TMEM178A: variants seen among roughly 807,000 people sequenced by gnomAD.
TMEM178A encodes transmembrane protein 178.
In TMEM178A, 12 loss-of-function variants were observed where a neutral mutation model predicts 29.1. That is an observed-to-expected ratio of 0.41 (90% CI 0.26 to 0.67). TMEM178A has a LOEUF of 0.67. Among genes scored for constraint, TMEM178A ranks in the 30% least tolerant of loss-of-function variants. TMEM178A has a pLI of 0.29. For synonymous variants in TMEM178A, 210 were observed against 187.2 expected, an observed-to-expected ratio of 1.12 and a Z score of -0.99; for missense variants, 366 against 419.1, an observed-to-expected ratio of 0.87 and a Z score of 1.11.
At chr2:39,688,483 G>T (rs902246352) in intron 1 of TMEM178A, among the ~76,000 whole-genome samples, 1 of 152,230 alleles carries the variant, frequency 6.6e-6, no homozygotes, top group Non-Finnish European at 1.5e-5. Context: ...CTACCATGAG[G>T]CTCTTGCCAC....
chr2:39,678,355 T>TAAGAAAATGTGGTATGTCC (rs1462120252), intron 1 of TMEM178A, among the ~76,000 whole-genome samples: 1 of 152,076 alleles, frequency 6.6e-6, no homozygotes, highest in African/African-American at 2.4e-5. Context: ...GATGAATAGA[T>TAAGAAAATGTGGTATGTCC]AAGAAAATGT....
chr2:39,715,869 C>T lies in TMEM178A; in HGVS notation c.653-1141C>T, dbSNP rs569601362. On this transcript the variant is annotated intron_variant, in intron 3 of 3. Transcript: ENST00000281961. The stretch of plus-strand genomic sequence containing the variant: ...CTGCTAGCATTTCTAATCTCCAAAG[C>T]TATAGGTTAAAAAAGGGTGGTGGGT... Among the ~76,000 whole-genome samples, 41 of 152,216 alleles carry T rather than the reference C, an allele frequency of 2.7e-4. No individual in the cohort carries two copies. The South Asian group carries it at 8.3e-3, about 31-fold the overall frequency.
chr2:39,720,040 A>T (rs757087437), downstream of TMEM178A, among the ~76,000 whole-genome samples: 1 of 152,186 alleles, frequency 6.6e-6, no homozygotes, highest in Non-Finnish European at 1.5e-5. Context: ...ATAGTGAAAA[A>T]AATTAAGCTT....
intron 3 of TMEM178A, among the ~76,000 whole-genome samples, chr2:39,707,759 C>G (rs887230351): frequency 2.0e-5 from 3 of 152,228 alleles, no homozygotes; most frequent in Non-Finnish European, 2.9e-5. Context: ...AGCCACCACA[C>G]CCCACCTTCT....
intron 1 of TMEM178A, among the ~76,000 whole-genome samples, chr2:39,673,256 C>G (rs1670478904): frequency 6.6e-6 from 1 of 152,138 alleles, no homozygotes; most frequent in African/African-American, 2.4e-5. Flanking sequence ...CATGCTGCAC[C>G]CCATCTTTCT....
At chr2:39,678,726 T>C (rs77187239) in intron 1 of TMEM178A, among the ~76,000 whole-genome samples, 1 of 152,176 alleles carries the variant, frequency 6.6e-6, no homozygotes, top group Non-Finnish European at 1.5e-5. Flanking sequence ...AATTTCCCAC[T>C]GCCTACAGCT....
upstream of TMEM178A, chr2:39,665,572 G>A (rs548041647): frequency 2.6e-4 from 48 of 186,538 alleles, 1 homozygote; most frequent in Middle Eastern, 4.0e-3. Context: ...AGAGGAGGAT[G>A]AGGGCGGCGA....
At chr2:39,721,300 A>G (rs186973272), downstream of TMEM178A, among the ~76,000 whole-genome samples, 2 of 152,370 alleles carry the variant, frequency 1.3e-5, no homozygotes, top group Admixed American at 1.3e-4. Context: ...TTTGCCAGGC[A>G]TCAAAGCAAG....
At chr2:39,670,973 A>G (rs1670386931) in intron 1 of TMEM178A, among the ~76,000 whole-genome samples, 1 of 152,206 alleles carries the variant, frequency 6.6e-6, no homozygotes, top group Non-Finnish European at 1.5e-5. Context: ...TTTTGTTTTT[A>G]TAAAATTAAA....
intron 2 of TMEM178A, among the ~76,000 whole-genome samples, chr2:39,706,137 G>A (rs1041018032): frequency 3.9e-5 from 6 of 152,218 alleles, no homozygotes; most frequent in African/African-American, 1.4e-4. Flanking sequence ...TTGTGTCCAG[G>A]TACACGTAGT....
At chr2:39,730,028 T>A in the TMEM178A span, among the ~76,000 whole-genome samples, 95 of 152,296 alleles carry the variant, frequency 6.2e-4, 1 homozygote, top group African/African-American at 2.2e-3. Flanking sequence ...GGTAAGAACC[T>A]AGGTTAACAC....
the TMEM178A span, among the ~76,000 whole-genome samples, chr2:39,725,824 C>T: frequency 6.6e-6 from 1 of 152,168 alleles, no homozygotes; most frequent in Non-Finnish European, 1.5e-5. Context: ...ACTTTAGGAG[C>T]AGGTCCACCG....
the TMEM178A span, among the ~76,000 whole-genome samples, chr2:39,735,103 T>G: frequency 2.6e-4 from 40 of 152,312 alleles, no homozygotes; most frequent in African/African-American, 9.1e-4. Context: ...TTCAAAACTC[T>G]TTCAGTGGTT....
In TMEM178A at chr2:39,671,921, A is replaced by G. The variant is rs578186638; in HGVS notation, c.400+5547A>G. Among the ~76,000 whole-genome samples the G allele has an allele frequency of 5.9e-5, 9 of 152,290 alleles. No homozygotes were observed. The South Asian group carries it at 1.9e-3, about 32-fold the overall frequency. On this transcript the variant is annotated intron_variant, in intron 1 of 3. Coordinates refer to ENST00000281961, the MANE Select transcript of TMEM178A (RefSeq NM_152390.3). The stretch of plus-strand genomic sequence containing the variant: ...GTGCGCTCTTATATCACACACATTT[A>G]TCTTGCACAGGGGAGAGAAGAAGAT...
At position 39,690,688 on chromosome 2, in the gene TMEM178A, C is replaced by G. The variant is rs150754591; in HGVS notation, c.401-13393C>G. Reference sequence around the variant, plus strand: ...CAAGCCTTCAAGGAAAATGAAGAATCAAGGAAACTTAACACTACTAAAAGA... The same window carrying G: ...CAAGCCTTCAAGGAAAATGAAGAATGAAGGAAACTTAACACTACTAAAAGA... On this transcript the variant is annotated intron_variant, in intron 1 of 3. Transcript: ENST00000281961. Among the ~76,000 whole-genome samples, 383 of 152,232 alleles carry G rather than the reference C, an allele frequency of 2.5e-3. 1 individual carries two copies. The highest frequency in any genetic ancestry group is 8.7e-3 in the African/African-American group (360 of 41,538).
At position 39,666,349 on chromosome 2, in the gene TMEM178A, G is replaced by C; in HGVS notation, c.375G>C (p.Arg125=). ...AGTGCTACTTCCTGGGCATCGACCG[G>C]GACATCGACACCCTCATCCTGAAAG... is the stretch of plus-strand genomic sequence containing the variant. ...WRKCYFLGID[R]DIDTLILKGI... Residue 125 remains arginine, a synonymous_variant, in exon 1 of 4, where the codon CGG becomes CGC. Transcript: ENST00000281961. 2 of 1,442,324 alleles carry C rather than the reference G, an allele frequency of 1.4e-6. No homozygotes were observed. Among genetic ancestry groups the C allele is most frequent in the South Asian group, 1.3e-5 (1 of 74,142 alleles). 89.3% of individuals were successfully genotyped at this position (1,442,324 alleles called of 1,614,324 possible).
chr2:39,715,556 A>G (rs540840402), intron 3 of TMEM178A, among the ~76,000 whole-genome samples: 17 of 152,340 alleles, frequency 1.1e-4, no homozygotes, highest in African/African-American at 3.8e-4. Context: ...TGTTTGCTGT[A>G]ATAAATTGGA....
At chr2:39,691,519 C>G (rs549737341) in intron 1 of TMEM178A, among the ~76,000 whole-genome samples, 2 of 152,168 alleles carry the variant, frequency 1.3e-5, no homozygotes, top group South Asian at 4.1e-4. Context: ...AAAAGAGAAC[C>G]GTGGTACACT....
intron 1 of TMEM178A, among the ~76,000 whole-genome samples, chr2:39,699,987 A>C (rs1159361296): frequency 1.3e-5 from 2 of 152,040 alleles, no homozygotes; most frequent in Admixed American, 6.5e-5. Context: ...TTCTAATTTC[A>C]TTGCATTGTG....
Sources: allele counts gnomAD v4.1 joint callset (sites outside exome capture counted in the v4.1 genomes callset), GRCh38; gene constraint gnomAD v4.1.1; transcripts MANE v1.5; gene names NCBI Gene and HGNC (gene_info 2026-07-23, HGNC 2026-07-21).